The following GRIA3 variants were observed in gnomAD, a reference collection of about 807,000 sequenced individuals.
GRIA3 encodes the protein glutamate receptor 3.
GRIA3 carries 3 observed loss-of-function variants against 63.0 expected under a neutral mutation model. That is an observed-to-expected ratio of 0.05 (90% CI 0.02 to 0.12). The LOEUF is 0.12. GRIA3 is among the 10% of genes least tolerant of loss of function. GRIA3 has a pLI of 1.00. For synonymous variants in GRIA3, 274 were observed against 257.9 expected (o/e 1.06, Z -0.60); for missense variants, 347 against 700.9 (o/e 0.50, Z 5.70).
intron 3 of GRIA3, among the ~76,000 whole-genome samples, chrX:123,307,197 A>G (rs1299197002): frequency 9.0e-6 from 1 of 111,707 alleles, no homozygotes; most frequent in Non-Finnish European, 1.9e-5. Flanking sequence ...TGTCACAGCA[A>G]CTTTACCCTT....
chrX:123,428,898 A>G (rs111231869), intron 12 of GRIA3, among the ~76,000 whole-genome samples: 42 of 112,471 alleles, frequency 3.7e-4, no homozygotes, highest in African/African-American at 1.3e-3. Context: ...CAAGATCTTT[A>G]TTCTGTGGTA....
intron 12 of GRIA3, among the ~76,000 whole-genome samples, chrX:123,457,219 A>G (rs1383865057): frequency 9.0e-6 from 1 of 111,045 alleles, no homozygotes; most frequent in Non-Finnish European, 1.9e-5. Context: ...TTTTTGGGGT[A>G]TGAATCCCCT....
chrX:123,208,525 T>C (rs183649100), intron 2 of GRIA3, among the ~76,000 whole-genome samples: 130 of 112,460 alleles, frequency 1.2e-3, no homozygotes, highest in African/African-American at 4.0e-3. Context: ...TGAGCTGTTT[T>C]GGGGTGTTTC....
chrX:123,309,105 C>T (rs971326612), intron 3 of GRIA3, among the ~76,000 whole-genome samples: 1 of 111,813 alleles, frequency 8.9e-6, no homozygotes, highest in African/African-American at 3.3e-5. Context: ...GATTTTCAGG[C>T]CAGGCGCAGT....
chrX:123,305,201 C>G (rs755573660), intron 3 of GRIA3, among the ~76,000 whole-genome samples: 1 of 111,033 alleles, frequency 9.0e-6, no homozygotes, highest in African/African-American at 3.3e-5. Flanking sequence ...GTTTTCACGT[C>G]GAGTTTATAC....
At chrX:123,421,194 C>T (rs936571265) in intron 11 of GRIA3, among the ~76,000 whole-genome samples, 1 of 111,637 alleles carries the variant, frequency 9.0e-6, no homozygotes, top group Non-Finnish European at 1.9e-5. Flanking sequence ...TGTTTTCCAC[C>T]ATATGGGTGA....
At chrX:123,256,905 G>A (rs938461698) in intron 3 of GRIA3, among the ~76,000 whole-genome samples, 1 of 111,793 alleles carries the variant, frequency 8.9e-6, no homozygotes, top group African/African-American at 3.3e-5. Context: ...ATACTTTGGA[G>A]ACAGAATTGA....
intron 5 of GRIA3, among the ~76,000 whole-genome samples, chrX:123,372,616 A>T (rs1303829941): frequency 9.0e-6 from 1 of 111,445 alleles, no homozygotes; most frequent in South Asian, 3.8e-4. Context: ...TTTCCTAGGT[A>T]TGTAACTTTA....
intron 7 of GRIA3, 135 bp downstream of exon 7, chrX:123,398,938 A>G: frequency 2.0e-6 from 1 of 502,841 alleles, no homozygotes; most frequent in Non-Finnish European, 3.4e-6. Context: ...TGCAAAGAGG[A>G]TAAGTATAGC....
chrX:123,253,152 C>T, intron 2 of GRIA3, 151 bp from the exon 3 acceptor site: 1 of 576,622 alleles, frequency 1.7e-6, no homozygotes, highest in Non-Finnish European at 3.0e-6. Context: ...CCCTTTCTTA[C>T]TCTTCTCCTG....
At chrX:123,435,170 C>G (rs192024283) in intron 12 of GRIA3, among the ~76,000 whole-genome samples, 18 of 112,017 alleles carry the variant, frequency 1.6e-4, no homozygotes, top group Admixed American at 5.7e-4. Context: ...TTCTATGGAG[C>G]TACTTCCCAG....
Position 123,487,892 on chromosome X carries a change from C to T in GRIA3, c.*3-821C>T, listed in dbSNP as rs1483987280. Among the ~76,000 whole-genome samples the T allele has an allele frequency of 2.7e-5, 3 of 111,830 alleles. No individual in the cohort carries two copies. In the East Asian group the frequency reaches 8.4e-4, roughly 31 times the overall value. On this transcript the variant is annotated intron_variant, in intron 15 of 15. Transcript: ENST00000620443. ...TCTTACAGATACTTTTACTACAGGGCCAGTGGTAGATCATAATTACGTCAT... is the reference window on the plus strand; with the variant it reads ...TCTTACAGATACTTTTACTACAGGGTCAGTGGTAGATCATAATTACGTCAT...
At chrX:123,412,923 GA>G (rs1446764366) in intron 10 of GRIA3, among the ~76,000 whole-genome samples, 2 of 103,129 alleles carry the variant, frequency 1.9e-5, no homozygotes, top group East Asian at 3.0e-4. Context: ...AAACAATCCA[GA>G]AAAAAAAAAT....
intron 2 of GRIA3, among the ~76,000 whole-genome samples, chrX:123,207,693 T>C (rs1444348035): frequency 8.9e-6 from 1 of 111,831 alleles, no homozygotes; most frequent in African/African-American, 3.3e-5. Flanking sequence ...GTCACCACCA[T>C]TAAGATTAAG....
intron 3 of GRIA3, among the ~76,000 whole-genome samples, chrX:123,291,832 G>T (rs181354649): frequency 4.1e-4 from 46 of 110,873 alleles, no homozygotes; most frequent in Non-Finnish European, 7.4e-4. Flanking sequence ...TGTTAGCAAA[G>T]AAGGAGGAAA....
intron 12 of GRIA3, among the ~76,000 whole-genome samples, chrX:123,444,157 C>T (rs1050780286): frequency 4.5e-5 from 5 of 111,187 alleles, no homozygotes; most frequent in Admixed American, 2.9e-4. Flanking sequence ...CCTCCCCCTC[C>T]CTCCTTCTTT....
At chrX:123,259,077 A>C (rs987809121) in intron 3 of GRIA3, among the ~76,000 whole-genome samples, 3 of 112,294 alleles carry the variant, frequency 2.7e-5, no homozygotes, top group South Asian at 3.7e-4. Context: ...AACTGTTTCC[A>C]GATCCACCAA....
At chrX:123,255,384 C>A (rs2044413908) in intron 3 of GRIA3, among the ~76,000 whole-genome samples, 1 of 111,030 alleles carries the variant, frequency 9.0e-6, no homozygotes, top group Non-Finnish European at 1.9e-5. Context: ...CATAATTTGC[C>A]AAATTTTAAT....
At chrX:123,463,607 G>GAAAGAAAGAAA (rs2045808768) in intron 12 of GRIA3, among the ~76,000 whole-genome samples, 1 of 17,084 alleles carries the variant, frequency 5.9e-5, no homozygotes, top group East Asian at 1.9e-3. Context: ...AGGGAGGGAG[G>GAAAGAAAGAAA]GAGGGAAAGA....
Sources: allele counts gnomAD v4.1 joint callset (sites outside exome capture counted in the v4.1 genomes callset), GRCh38; gene constraint gnomAD v4.1.1; transcripts MANE v1.5; gene names NCBI Gene and HGNC (gene_info 2026-07-23, HGNC 2026-07-21).